SAXO5: variants seen among roughly 807,000 people sequenced by gnomAD.
The protein encoded by SAXO5 is stabilizer of axonemal microtubules 5, also known as testis expressed 45.
chr19:7,500,044 CTG>C, the SAXO5 span, among the ~76,000 whole-genome samples: 2 of 151,960 alleles, frequency 1.3e-5, no homozygotes, highest in Non-Finnish European at 2.9e-5. Context: ...TGACCTCTCA[CTG>C]TGCCTGGATA....
the SAXO5 span, chr19:7,505,238 C>T: frequency 3.0e-6 from 4 of 1,316,808 alleles, no homozygotes; most frequent in African/African-American, 2.9e-5. Context: ...CCACCTCAGC[C>T]TCCCAAAGTG....
the SAXO5 span, chr19:7,505,720 T>C: frequency 8.0e-7 from 1 of 1,249,408 alleles, no homozygotes; most frequent in South Asian, 1.3e-5. Context: ...GTGAGCTTGA[T>C]ATGTATGCAG....
the SAXO5 span, chr19:7,504,414 A>G: frequency 1.2e-5 from 19 of 1,612,662 alleles, no homozygotes; most frequent in Non-Finnish European, 1.6e-5. Context: ...GAAGATAGGT[A>G]TAAAGGGGCC....
chr19:7,505,201 T>C, the SAXO5 span: 1 of 897,226 alleles, frequency 1.1e-6, no homozygotes, highest in Non-Finnish European at 1.8e-6. Flanking sequence ...CAATCTGTTC[T>C]CAAAAGCCTG....
the SAXO5 span, chr19:7,505,436 G>A: frequency 2.0e-5 from 33 of 1,614,108 alleles, no homozygotes; most frequent in African/African-American, 4.3e-4. Context: ...CAGGGAGCCA[G>A]GTGAGAGCCT....
At chr19:7,501,171 G>A in the SAXO5 span, 1 of 1,516,106 alleles carries the variant, frequency 6.6e-7, no homozygotes, top group Non-Finnish European at 8.8e-7. Flanking sequence ...GCACCTGCAC[G>A]AGGACGCGCA....
the SAXO5 span, among the ~76,000 whole-genome samples, chr19:7,502,013 G>A: frequency 6.6e-6 from 1 of 152,210 alleles, no homozygotes; most frequent in South Asian, 2.1e-4. Flanking sequence ...GCCTAGGCAG[G>A]AGGATGTCTT....
At chr19:7,508,296 CCAG>C in the SAXO5 span, 1 of 1,614,042 alleles carries the variant, frequency 6.2e-7, no homozygotes, top group Non-Finnish European at 8.5e-7. Flanking sequence ...GTACCAGGGC[CCAG>C]CAGCCCTGAG....
the SAXO5 span, chr19:7,500,861 C>T: frequency 2.6e-6 from 4 of 1,546,460 alleles, no homozygotes; most frequent in East Asian, 2.6e-5. Flanking sequence ...CGCGCCCGTG[C>T]CCGATGTCCC....
the SAXO5 span, chr19:7,500,915 C>T: frequency 6.3e-7 from 1 of 1,584,130 alleles, no homozygotes; most frequent in East Asian, 2.3e-5. Flanking sequence ...TGGGGCCTGA[C>T]CTGCGGCTGC....
At chr19:7,500,846 G>A in the SAXO5 span, 2 of 1,527,784 alleles carry the variant, frequency 1.3e-6, no homozygotes, top group South Asian at 1.2e-5. Flanking sequence ...CCCTCCTGCC[G>A]TGCTCGCGCC....
the SAXO5 span, chr19:7,506,451 T>C: frequency 2.2e-6 from 1 of 459,474 alleles, no homozygotes; most frequent in African/African-American, 2.1e-5. Context: ...GCCATGCCTC[T>C]CCCCTTCATA....
the SAXO5 span, among the ~76,000 whole-genome samples, chr19:7,504,775 T>C: frequency 1.3e-5 from 2 of 151,792 alleles, no homozygotes; most frequent in Admixed American, 6.6e-5. Flanking sequence ...TGGCTTTCAG[T>C]AGCATGTGGT....
the SAXO5 span, among the ~76,000 whole-genome samples, chr19:7,507,640 G>A: frequency 0.34 from 51,163 of 151,486 alleles, 8,809 homozygotes; most frequent in Non-Finnish European, 0.36. Context: ...TCATGTCAAG[G>A]TCAGCTCAGG....
the SAXO5 span, chr19:7,508,415 C>T: frequency 0.32 from 510,779 of 1,605,064 alleles, 83,771 homozygotes; most frequent in Non-Finnish European, 0.34. Context: ...TGTACCTGTG[C>T]CCCAGCCAGC....
the SAXO5 span, chr19:7,500,711 G>A: frequency 2.0e-6 from 2 of 1,023,182 alleles, no homozygotes; most frequent in Admixed American, 3.7e-5. Flanking sequence ...CGAACAGAAA[G>A]GAGTCAAAGG....
chr19:7,499,461 G>C, the SAXO5 span, among the ~76,000 whole-genome samples: 2 of 152,144 alleles, frequency 1.3e-5, no homozygotes, highest in African/African-American at 4.8e-5. Context: ...GCTGGAGTTA[G>C]GCAGAGGAAC....
the SAXO5 span, chr19:7,504,130 A>G: frequency 1.9e-6 from 3 of 1,612,846 alleles, no homozygotes; most frequent in Non-Finnish European, 2.5e-6. Flanking sequence ...GGGGGCCCCA[A>G]CACCCTCAAG....
the SAXO5 span, chr19:7,501,108 C>G: frequency 6.6e-6 from 10 of 1,504,852 alleles, no homozygotes; most frequent in South Asian, 1.2e-4. Context: ...GCCGTGGGAG[C>G]TGCTGCAAGC....
Sources: allele counts gnomAD v4.1 joint callset (sites outside exome capture counted in the v4.1 genomes callset), GRCh38; gene constraint gnomAD v4.1.1; transcripts MANE v1.5; gene names NCBI Gene and HGNC (gene_info 2026-07-23, HGNC 2026-07-21).